Variants in TRPM3 observed in about 807,000 individuals in gnomAD.
The protein encoded by TRPM3 is long transient receptor potential channel 3.
A neutral mutation model predicts 181.2 loss-of-function variants in TRPM3; 77 were observed. The observed-to-expected ratio is 0.42, with a 90% CI of 0.35 to 0.51. TRPM3 has a LOEUF of 0.51. TRPM3 is among the 20% of genes least tolerant of loss of function. TRPM3 has a pLI of 0.01. For synonymous variants in TRPM3, 745 were observed against 796.4 expected (o/e 0.94, Z 1.09); for missense variants, 1,759 against 2,196.7 (o/e 0.80, Z 3.98).
At chr9:70,858,573 C>T (rs549175756) in intron 3 of TRPM3, among the ~76,000 whole-genome samples, 6 of 152,222 alleles carry the variant, frequency 3.9e-5, no homozygotes, top group Admixed American at 6.5e-5. Context: ...GGAACTTCCA[C>T]TTGTTAAATA....
At chr9:70,980,769 C>T (rs1365024123) in intron 1 of TRPM3, among the ~76,000 whole-genome samples, 1 of 152,196 alleles carries the variant, frequency 6.6e-6, no homozygotes, top group African/African-American at 2.4e-5. Context: ...AGGTGATCAA[C>T]TGAAACATTC....
intron 1 of TRPM3, among the ~76,000 whole-genome samples, chr9:71,056,027 C>T (rs1411351015): frequency 2.6e-5 from 4 of 151,954 alleles, no homozygotes; most frequent in Non-Finnish European, 1.5e-5. Context: ...TAAGACACCC[C>T]TATCAGGTAA....
Position 70,864,451 on chromosome 9 carries a change from T to C in TRPM3, c.238A>G (p.Ser80Gly). 1 of 1,485,900 alleles carries C rather than the reference T, an allele frequency of 6.7e-7. No homozygotes were observed. Among genetic ancestry groups the C allele is most frequent in the Non-Finnish European group, 8.9e-7 (1 of 1,125,352 alleles). 92.0% of individuals were successfully genotyped at this position (1,485,900 alleles called of 1,614,324 possible). A position where few individuals can be genotyped will look rare whatever the true frequency, so the allele number is the denominator to read the frequency against. Residue 80 changes from serine to glycine, a missense_variant, in exon 2 of 26, where the codon AGC (serine) becomes GGC (glycine). This residue lies in a region of TRPM3 where 737 missense variants were observed against 957.4 expected (regional missense o/e 0.77). Transcript: ENST00000677713. ...GATTACCTATGGGGGTCTTTGGTGC[T>C]GGGTATGATGTGGACACATTCTCTT... The part of the protein sequence containing the change: ...YKRECVHIIP[S>G]TKDPHRCCCG...
Position 71,322,425 on chromosome 9 carries a change from A to G in TRPM3, c.183+124228T>C, listed in dbSNP as rs896146020. On this transcript the variant is annotated intron_variant, in intron 1 of 24. Coordinates refer to the TRPM3 transcript ENST00000357533. ...AATTCTTTTAAATGAAAGGTCATTA[A>G]GCATCTTTATATCTAACTAGCAATC... Among the ~76,000 whole-genome samples the G allele has an allele frequency of 3.9e-5, 6 of 152,288 alleles. No homozygotes were observed. In the East Asian group the frequency reaches 1.2e-3, roughly 29 times the overall value.
intron 1 of TRPM3, among the ~76,000 whole-genome samples, chr9:71,062,461 A>G (rs1398443452): frequency 1.3e-5 from 2 of 152,154 alleles, no homozygotes; most frequent in African/African-American, 4.8e-5. Flanking sequence ...ATACAAACAC[A>G]GCATAAAACC....
chr9:71,339,130 A>T (rs557651806), intron 1 of TRPM3, among the ~76,000 whole-genome samples: 55 of 152,248 alleles, frequency 3.6e-4, no homozygotes, highest in African/African-American at 1.3e-3. Context: ...AAATACTCAA[A>T]AATGAACTTC....
intron 1 of TRPM3, among the ~76,000 whole-genome samples, chr9:71,183,537 C>G: frequency 6.6e-6 from 1 of 152,236 alleles, no homozygotes; most frequent in East Asian, 1.9e-4. Context: ...AGTTGCACTG[C>G]ATAATATTTA....
intron 1 of TRPM3, among the ~76,000 whole-genome samples, chr9:71,276,145 G>T (rs1328556003): frequency 6.6e-6 from 1 of 152,096 alleles, no homozygotes; most frequent in East Asian, 1.9e-4. Flanking sequence ...CCGGCTGAAA[G>T]AATGAACTTT....
In TRPM3 at chr9:70,534,140, G is replaced by A. The variant is rs934828030; in HGVS notation, c.*1813C>T. 4 of 152,170 alleles carry A rather than the reference G, an allele frequency of 2.6e-5. No individual in the cohort carries two copies. Among genetic ancestry groups the A allele is most frequent in the African/African-American group, 9.7e-5 (4 of 41,428 alleles). The allele number at this position is 152,170 out of a possible 1,614,324, so 9.4% of individuals were successfully genotyped here. On this transcript the variant is annotated 3_prime_UTR_variant, in exon 26 of 26. Transcript: ENST00000677713. ...TTCCAATCCAGATTCTGATCTAGAA[G>A]ATTATGCCTCTACTTTAGAGTCTGT...
chr9:71,070,520 T>A (rs541134541), intron 1 of TRPM3, among the ~76,000 whole-genome samples: 5 of 151,916 alleles, frequency 3.3e-5, no homozygotes, highest in South Asian at 4.2e-4. Flanking sequence ...TTTCCTTTTT[T>A]AAAAAAAAAT....
intron 1 of TRPM3, among the ~76,000 whole-genome samples, chr9:70,910,804 A>G (rs2096529951): frequency 6.6e-6 from 1 of 152,126 alleles, no homozygotes; most frequent in Admixed American, 6.6e-5. Flanking sequence ...TAATTACCCT[A>G]TGAGGTCATT....
In TRPM3 at chr9:71,418,921, T is replaced by C. The variant is rs1017659605; in HGVS notation, c.183+27732A>G. Among the ~76,000 whole-genome samples, 28 of 140,676 alleles carry C rather than the reference T, an allele frequency of 2.0e-4. No homozygotes were observed. The South Asian group carries it at 6.0e-3, about 30-fold the overall frequency. The allele number at this position is 140,676 out of a possible 152,430, so 92.3% of individuals were successfully genotyped here. Reference sequence around the variant, plus strand: ...ATATGTGTGTGTGTATATATATGTGTGTGTGTGTATATATATATATGTATT... The same window carrying C: ...ATATGTGTGTGTGTATATATATGTGCGTGTGTGTATATATATATATGTATT... On this transcript the variant is annotated intron_variant, in intron 1 of 24. Transcript: ENST00000357533.
Position 71,261,969 on chromosome 9 carries a change from G to A in TRPM3, c.183+184684C>T, listed in dbSNP as rs1178066605. ...ATGTTGGGAGGCGTTTCCCTGTCAG[G>A]AGCCACAGGGACCAGGGACCCACTT... is the stretch of plus-strand genomic sequence containing the variant. On this transcript the variant is annotated intron_variant, in intron 1 of 24. Transcript: ENST00000357533. 2.0e-5 allele frequency among the ~76,000 whole-genome samples: 3 copies of A among 152,184 alleles called. No individual in the cohort carries two copies. In the East Asian group the frequency reaches 5.8e-4, roughly 29 times the overall value.
intron 1 of TRPM3, among the ~76,000 whole-genome samples, chr9:70,893,775 T>C (rs1589594137): frequency 6.6e-6 from 1 of 152,204 alleles, no homozygotes; most frequent in African/African-American, 2.4e-5. Context: ...ATAAGATTAA[T>C]ATTAGAAAAG....
chr9:71,113,315 A>G (rs376201113), intron 1 of TRPM3, among the ~76,000 whole-genome samples: 5 of 152,320 alleles, frequency 3.3e-5, no homozygotes, highest in African/African-American at 1.2e-4. Context: ...GGCTAATTAC[A>G]TAAGGATGGG....
At chr9:71,275,259 G>A (rs12345212) in intron 1 of TRPM3, among the ~76,000 whole-genome samples, 6,986 of 152,118 alleles carry the variant, frequency 0.046, 176 homozygotes, top group East Asian at 0.11. Context: ...CAGCAACAAA[G>A]CTTTAAAATG....
intron 9 of TRPM3, among the ~76,000 whole-genome samples, chr9:70,678,316 G>C (rs969529901): frequency 1.3e-5 from 2 of 151,896 alleles, no homozygotes; most frequent in African/African-American, 4.8e-5. Context: ...TGCCTAGGCT[G>C]GGGTGCAGTG....
chr9:70,750,205 G>C (rs2075882419), intron 8 of TRPM3, among the ~76,000 whole-genome samples: 1 of 152,146 alleles, frequency 6.6e-6, no homozygotes, highest in Non-Finnish European at 1.5e-5. Flanking sequence ...AGTTTCATGT[G>C]ATCATGGAAG....
At chr9:70,653,274 G>A (rs566884765) in intron 9 of TRPM3, among the ~76,000 whole-genome samples, 16 of 152,200 alleles carry the variant, frequency 1.1e-4, no homozygotes, top group African/African-American at 3.9e-4. Flanking sequence ...TAGTAACAGG[G>A]GATACCATCT....
Sources: gnomAD v4.1 joint callset for allele counts (sites outside exome capture counted in the v4.1 genomes callset) on GRCh38, gnomAD v4.1.1 for gene constraint, gnomAD v4.1.1 regional missense constraint, MANE v1.5 for transcripts, NCBI Gene and HGNC (gene_info 2026-07-23, HGNC 2026-07-21) for gene names.